The following ETFA variants were observed in gnomAD, a reference collection of about 807,000 sequenced individuals.
ETFA encodes electron transfer flavoprotein subunit alpha.
A neutral mutation model predicts 46.2 loss-of-function variants in ETFA; 22 were observed. The observed-to-expected ratio is 0.48, with a 90% CI of 0.34 to 0.68. The LOEUF is 0.68. ETFA is among the 30% of genes least tolerant of loss of function. The pLI is 0.01. For synonymous variants in ETFA, 131 were observed against 139.9 expected (o/e 0.94, Z 0.45); for missense variants, 345 against 401.1 (o/e 0.86, Z 1.19).
rs184333188 is a variant in ETFA at position 76,301,556 on chromosome 15, C to G, written c.40-5819G>C. Among the ~76,000 whole-genome samples the G allele has an allele frequency of 3.5e-4, 54 of 152,208 alleles. No individual in the cohort carries two copies. In the East Asian group the frequency reaches 8.9e-3, roughly 25 times the overall value. Reference sequence around the variant, plus strand: ...TGAAACCCCATTTCTCCTAAAAATACGAAAATTAGCTGGGCATGGTGGCAC... The same window carrying G: ...TGAAACCCCATTTCTCCTAAAAATAGGAAAATTAGCTGGGCATGGTGGCAC... On this transcript the variant is annotated intron_variant, in intron 1 of 11. Coordinates refer to ENST00000557943, the MANE Select transcript of ETFA (RefSeq NM_000126.4).
At chr15:76,235,369 A>C (rs572801037) in intron 9 of ETFA, among the ~76,000 whole-genome samples, 1 of 152,318 alleles carries the variant, frequency 6.6e-6, no homozygotes, top group East Asian at 1.9e-4. Flanking sequence ...CTTAACAGTC[A>C]CTATAGCCCT....
At chr15:76,291,700 G>T (rs1436511455) in intron 4 of ETFA, among the ~76,000 whole-genome samples, 1 of 150,568 alleles carries the variant, frequency 6.6e-6, no homozygotes, top group Non-Finnish European at 1.5e-5. Flanking sequence ...GCAGTGAGCC[G>T]AGATGGCGCC....
chr15:76,265,551 G>T (rs1417271808), intron 9 of ETFA, among the ~76,000 whole-genome samples: 1 of 152,150 alleles, frequency 6.6e-6, no homozygotes, highest in Admixed American at 6.5e-5. Context: ...TTAAATCAAT[G>T]GCCTCGACAC....
In ETFA at chr15:76,287,908, G is replaced by A; in HGVS notation, c.389C>T (p.Ala130Val). 6.2e-7 allele frequency: 1 copy of A among 1,613,976 alleles called. No homozygotes were observed. Among genetic ancestry groups the A allele is most frequent in the Non-Finnish European group, 8.5e-7 (1 of 1,179,926 alleles). ...LPRVAAKLEV[A>V]PISDIIAIKS... ...GATTGCAATGATGTCAGAAATCGGG[G>A]CAACCTCAAGTTTGGCTGCTACTCT... The change falls in exon 5 of 12, where the codon GCC becomes GTC. Residue 130 changes from alanine (A) to valine (V), a missense_variant. Coordinates refer to ENST00000557943, the MANE Select transcript of ETFA (RefSeq NM_000126.4).
At chr15:76,303,479 A>T (rs181905378) in intron 1 of ETFA, among the ~76,000 whole-genome samples, 3 of 152,202 alleles carry the variant, frequency 2.0e-5, no homozygotes, top group Admixed American at 2.0e-4. Flanking sequence ...ACCTAATTAA[A>T]CTAAAGAGCT....
chr15:76,258,025 G>T (rs909417679), intron 9 of ETFA, among the ~76,000 whole-genome samples: 4 of 123,328 alleles, frequency 3.2e-5, no homozygotes, highest in South Asian at 3.4e-4. Context: ...GTTGTGGGGT[G>T]GGGGGAGGGG....
At chr15:76,300,734 T>G (rs1484362582) in intron 1 of ETFA, among the ~76,000 whole-genome samples, 1 of 152,094 alleles carries the variant, frequency 6.6e-6, no homozygotes, top group African/African-American at 2.4e-5. Context: ...TATCATGTGT[T>G]TATTTTATGG....
Position 76,261,039 on chromosome 15 carries a change from G to C in ETFA, c.816+13373C>G, listed in dbSNP as rs893113269. 3.8e-6 allele frequency: 6 copies of C among 1,592,324 alleles called. No homozygotes were observed. In the East Asian group the frequency reaches 1.3e-4, roughly 36 times the overall value. Reference sequence around the variant, plus strand: ...GATGTTGAAGGGGACTGCAGGCAGTGCTTGAAGGAGAACAGTGGCTATGCG... The same window carrying C: ...GATGTTGAAGGGGACTGCAGGCAGTCCTTGAAGGAGAACAGTGGCTATGCG... On this transcript the variant is annotated intron_variant, in intron 9 of 11. Transcript: ENST00000557943.
At position 76,311,313 on chromosome 15, in the gene ETFA, G is replaced by A. The variant is rs772342211; in HGVS notation, c.39+37C>T. 2.6e-6 allele frequency: 4 copies of A among 1,549,530 alleles called. No individual in the cohort carries two copies. In the South Asian group the frequency reaches 3.6e-5, roughly 14 times the overall value. ...CCATAGGGACGGCGGGTTGACGGGGGGCCGTCCCTGGGTTCGCCTTCCCAG... is the reference window on the plus strand; with the variant it reads ...CCATAGGGACGGCGGGTTGACGGGGAGCCGTCCCTGGGTTCGCCTTCCCAG... On this transcript the variant is annotated intron_variant, in intron 1 of 11. Transcript: ENST00000557943.
At chr15:76,295,785 G>T in intron 1 of ETFA, 48 bp from the exon 2 acceptor site, 2 of 1,423,476 alleles carry the variant, frequency 1.4e-6, no homozygotes, top group Non-Finnish European at 1.9e-6. Flanking sequence ...GTTGTCACAG[G>T]GTTTTTTTTT....
intron 3 of ETFA, 29 bp from the exon 4 acceptor site, chr15:76,292,542 A>C (rs746296188): frequency 4.4e-6 from 7 of 1,596,054 alleles, no homozygotes; most frequent in Non-Finnish European, 6.0e-6. Flanking sequence ...TGATAAAAAA[A>C]TATTTTGAAA....
At chr15:76,259,047 A>G in intron 9 of ETFA, 1 of 1,606,066 alleles carries the variant, frequency 6.2e-7, no homozygotes, top group Middle Eastern at 1.7e-4. Context: ...TGTCTCATTG[A>G]GGGGACTCTC....
chr15:76,292,604 A>G lies in ETFA; in HGVS notation c.268+15T>C. The G allele has an allele frequency of 6.2e-7, 1 of 1,608,670 alleles. No homozygotes were observed. The highest frequency in any genetic ancestry group is 1.1e-5 in the South Asian group (1 of 90,966). On this transcript the variant is annotated intron_variant, in intron 3 of 11. Transcript: ENST00000557943. ...TAATTTAGACACTACATTTTTTTCT[A>G]CTGGAAAACCTCACCTGGAAGTAGG...
At chr15:76,245,561 A>T (rs1257948343) in intron 9 of ETFA, among the ~76,000 whole-genome samples, 1 of 152,252 alleles carries the variant, frequency 6.6e-6, no homozygotes, top group African/African-American at 2.4e-5. Context: ...AAAATTTATT[A>T]TCTTGATACA....
rs550306749 is a variant in ETFA at position 76,285,548 on chromosome 15, T to G, written c.664+89A>C. The G allele has an allele frequency of 5.6e-5, 43 of 765,264 alleles. 1 individual carries two copies. The South Asian group carries it at 6.4e-4, about 11-fold the overall frequency. 47.4% of individuals were successfully genotyped at this position (765,264 alleles called of 1,614,324 possible). On this transcript the variant is annotated intron_variant, in intron 7 of 11. Transcript: ENST00000557943. ...CCCAACTTCTTACATTTGAAAAAGA[T>G]CTGTGTACTTCTAAAATAAATACTA... is the stretch of plus-strand genomic sequence containing the variant.
chr15:76,287,084 CGAA>C lies in ETFA; in HGVS notation c.452-606_452-604del, dbSNP rs1213265369. The stretch of plus-strand genomic sequence containing the variant: ...TACACAACTTTAATCAGGCAAAAAA[CGAA>C]GAGTTCACTGCCTTCTCCGACCCCA... On this transcript the variant is annotated intron_variant, in intron 5 of 11. Coordinates refer to ENST00000557943, the MANE Select transcript of ETFA (RefSeq NM_000126.4). Among the ~76,000 whole-genome samples the C allele has an allele frequency of 4.6e-5, 7 of 152,272 alleles. 1 individual carries two copies. Among genetic ancestry groups the C allele is most frequent in the African/African-American group, 1.7e-4 (7 of 41,562 alleles).
intron 7 of ETFA, among the ~76,000 whole-genome samples, 175 bp from the exon 8 acceptor site, chr15:76,284,000 T>C (rs1482330371): frequency 6.6e-6 from 1 of 152,208 alleles, no homozygotes; most frequent in East Asian, 1.9e-4. Context: ...CTATAAAGCA[T>C]TCAACACTAC....
At chr15:76,274,203 T>G in intron 9 of ETFA, 1 of 566,640 alleles carries the variant, frequency 1.8e-6, no homozygotes, top group Non-Finnish European at 3.2e-6. Context: ...TTTAAAATAC[T>G]TGAATAATAA....
At chr15:76,260,061 C>T in intron 9 of ETFA, 2 of 1,496,066 alleles carry the variant, frequency 1.3e-6, no homozygotes, top group Non-Finnish European at 9.3e-7. Context: ...TCAGCATCTT[C>T]ATAGCCACTT....
Sources: gnomAD v4.1 joint callset for allele counts (sites outside exome capture counted in the v4.1 genomes callset) on GRCh38, gnomAD v4.1.1 for gene constraint, MANE v1.5 for transcripts, NCBI Gene and HGNC (gene_info 2026-07-23, HGNC 2026-07-21) for gene names.